ARID1A: variants seen among roughly 807,000 people sequenced by gnomAD.
The protein encoded by ARID1A is AT-rich interactive domain-containing protein 1A.
ARID1A carries 20 observed loss-of-function variants against 212.6 expected under a neutral mutation model. The ratio of observed to expected loss-of-function variants is 0.09; its 90% CI spans 0.07 to 0.14. ARID1A has a LOEUF of 0.14. ARID1A is among the 10% of genes least tolerant of loss of function. The pLI is 1.00. For missense variants in ARID1A, 2,587 were observed against 3,059.0 expected (o/e 0.85, Z 3.64); for synonymous variants, 1,376 against 1,222.1 (o/e 1.13, Z -2.63).
At chr1:26,762,397 C>CT in intron 7 of ARID1A, 78 bp downstream of exon 7, 1 of 1,477,636 alleles carries the variant, frequency 6.8e-7, no homozygotes, top group Non-Finnish European at 9.1e-7. Flanking sequence ...TGCCATCTAG[C>CT]TTGTAACCTT....
At chr1:26,701,927 A>G (rs529257964) in intron 1 of ARID1A, among the ~76,000 whole-genome samples, 1 of 152,360 alleles carries the variant, frequency 6.6e-6, no homozygotes, top group Non-Finnish European at 1.5e-5. Context: ...AAAGTTAGGT[A>G]GATTTCATTA....
intron 10 of ARID1A, among the ~76,000 whole-genome samples, chr1:26,767,379 G>A (rs1048944524): frequency 2.0e-5 from 3 of 152,200 alleles, no homozygotes; most frequent in African/African-American, 7.2e-5. Context: ...TAGTACCTAA[G>A]TATGTTCAGG....
intron 1 of ARID1A, among the ~76,000 whole-genome samples, chr1:26,721,531 A>AT (rs2080565125): frequency 6.6e-6 from 1 of 152,176 alleles, no homozygotes; most frequent in South Asian, 2.1e-4. Context: ...ACCTGAAAGG[A>AT]TTTTTTCCAG....
chr1:26,708,467 G>GT (rs2080416911), intron 1 of ARID1A, among the ~76,000 whole-genome samples: 1 of 150,042 alleles, frequency 6.7e-6, no homozygotes, highest in Admixed American at 6.6e-5. Context: ...TGTATTTTTA[G>GT]TAGAGATGGG....
rs2081183569 is a variant in ARID1A, at chr1:26,780,681, C to T, written c.6783C>T (p.Ile2261=). The change falls in exon 20 of 20, where the codon ATC becomes ATT. Residue 2261 remains isoleucine (I), a synonymous_variant. Coordinates refer to ENST00000324856, the MANE Select transcript of ARID1A (RefSeq NM_006015.6). The surrounding 1 kb of genome is among the most constrained non-coding windows in gnomAD (Gnocchi z 7.2). ...FTLYESRLLD[I]SVSPLMNSLV... ...TGTACGAATCACGGCTGTTGGACAT[C>T]TCGGTATCACCGTTGATGAACTCAT... The T allele has an allele frequency of 6.2e-7, 1 of 1,603,876 alleles. No individual in the cohort carries two copies. Among genetic ancestry groups the T allele is most frequent in the Non-Finnish European group, 8.5e-7 (1 of 1,178,382 alleles).
chr1:26,731,659 G>A (rs2124790819), intron 3 of ARID1A, 55 bp downstream of exon 3: 2 of 1,573,146 alleles, frequency 1.3e-6, no homozygotes, highest in Non-Finnish European at 1.7e-6. Flanking sequence ...ACAGCTTGGG[G>A]GTTAGTGTCA....
intron 1 of ARID1A, among the ~76,000 whole-genome samples, chr1:26,717,758 G>A (rs1360931134): frequency 6.6e-6 from 1 of 152,112 alleles, no homozygotes; most frequent in Non-Finnish European, 1.5e-5. Context: ...AAGTTAATCA[G>A]GAACCAAGTA....
intron 4 of ARID1A, among the ~76,000 whole-genome samples, chr1:26,750,624 G>A (rs1249485569): frequency 6.6e-6 from 1 of 152,082 alleles, no homozygotes; most frequent in Admixed American, 6.6e-5. Flanking sequence ...GCCATCTAGA[G>A]GCCAGGAATA....
intron 4 of ARID1A, among the ~76,000 whole-genome samples, chr1:26,733,493 A>G (rs978015103): frequency 6.6e-6 from 1 of 152,184 alleles, no homozygotes; most frequent in Non-Finnish European, 1.5e-5. Context: ...AGCACTGCAC[A>G]TTGTAGGCAC....
At chr1:26,744,596 G>A (rs1257989346) in intron 4 of ARID1A, among the ~76,000 whole-genome samples, 2 of 152,140 alleles carry the variant, frequency 1.3e-5, no homozygotes, top group Non-Finnish European at 2.9e-5. Context: ...CAGAGCTATC[G>A]GGACTGGTAT....
chr1:26,744,673 C>T (rs1250905618), intron 4 of ARID1A, among the ~76,000 whole-genome samples: 1 of 152,130 alleles, frequency 6.6e-6, no homozygotes, highest in Admixed American at 6.5e-5. Flanking sequence ...CACTTGGTAT[C>T]CTCTCTGGCC....
chr1:26,697,382 A>C lies in ARID1A; in HGVS notation c.979A>C (p.Lys327Gln), dbSNP rs1451454608. The stretch of plus-strand genomic sequence containing the variant: ...CGGGCCCCAGGACGGGGGCGCCGGC[A>C]AGGGCCCGGCGGACATGGCCTCGCA... ...SGGPQDGGAG[K>Q]GPADMASQCW... The change falls in exon 1 of 20, where the codon AAG becomes CAG. Residue 327 changes from lysine (K) to glutamine (Q), a missense_variant. Lys to Gln is a moderately conservative substitution (Grantham distance 53). Transcript: ENST00000324856. The C allele has an allele frequency of 7.6e-7, 1 of 1,314,964 alleles. No homozygotes were observed. The highest frequency in any genetic ancestry group is 9.6e-7 in the Non-Finnish European group (1 of 1,039,438). The allele number at this position is 1,314,964 out of a possible 1,614,324, so 81.5% of individuals were successfully genotyped here.
At chr1:26,736,355 C>T (rs1467932095) in intron 4 of ARID1A, among the ~76,000 whole-genome samples, 6 of 147,132 alleles carry the variant, frequency 4.1e-5, no homozygotes, top group South Asian at 2.2e-4. Context: ...TATAGCTGGG[C>T]GCGGTGGCTC....
At chr1:26,744,973 T>TA (rs2080823465) in intron 4 of ARID1A, among the ~76,000 whole-genome samples, 1 of 152,174 alleles carries the variant, frequency 6.6e-6, no homozygotes, top group Non-Finnish European at 1.5e-5. Flanking sequence ...CTACAAAAAA[T>TA]ATGCTTCGTG....
At chr1:26,707,133 A>C (rs905588611) in intron 1 of ARID1A, among the ~76,000 whole-genome samples, 2 of 151,350 alleles carry the variant, frequency 1.3e-5, no homozygotes, top group Non-Finnish European at 2.9e-5. Flanking sequence ...TCCTGGGTTC[A>C]AGGGGTTCTC....
At chr1:26,719,539 T>G (rs2124773312) in intron 1 of ARID1A, among the ~76,000 whole-genome samples, 1 of 152,352 alleles carries the variant, frequency 6.6e-6, no homozygotes, top group Non-Finnish European at 1.5e-5. Flanking sequence ...CATATTTTTG[T>G]TAAACAGTTT....
chr1:26,700,136 T>G (rs954232192), intron 1 of ARID1A, among the ~76,000 whole-genome samples: 1 of 152,204 alleles, frequency 6.6e-6, no homozygotes, highest in African/African-American at 2.4e-5. Context: ...TGTGGACTGC[T>G]TCAGGTGTGT....
At chr1:26,699,181 C>T (rs1384784776) in intron 1 of ARID1A, among the ~76,000 whole-genome samples, 2 of 151,956 alleles carry the variant, frequency 1.3e-5, no homozygotes, top group Non-Finnish European at 2.9e-5. Flanking sequence ...CACTTTTTTT[C>T]TTGTCTTCCA....
In ARID1A at chr1:26,734,428, T is replaced by A. The variant is rs1008624941; in HGVS notation, c.1920+1636T>A. Reference sequence around the variant, plus strand: ...GTAAGGGTTGGGAATCTTAAGAACTTCTTATCTGACCCACTGAAGTGAAGG... The same window carrying A: ...GTAAGGGTTGGGAATCTTAAGAACTACTTATCTGACCCACTGAAGTGAAGG... On this transcript the variant is annotated intron_variant, in intron 4 of 19. Coordinates refer to ENST00000324856, the MANE Select transcript of ARID1A (RefSeq NM_006015.6). Among the ~76,000 whole-genome samples the A allele has an allele frequency of 2.0e-5, 3 of 151,670 alleles. No homozygotes were observed. In the East Asian group the frequency reaches 5.8e-4, roughly 29 times the overall value.
Sources: gnomAD v4.1 joint callset for allele counts (sites outside exome capture counted in the v4.1 genomes callset) on GRCh38, gnomAD v4.1.1 for gene constraint, Gnocchi (gnomAD v3.1) non-coding constraint, MANE v1.5 for transcripts, NCBI Gene and HGNC (gene_info 2026-07-23, HGNC 2026-07-21) for gene names.